Variants in AMOTL2 observed in about 807,000 individuals in gnomAD.
AMOTL2 encodes angiomotin like 2.
A neutral mutation model predicts 78.4 loss-of-function variants in AMOTL2; 33 were observed. The ratio of observed to expected loss-of-function variants is 0.42; its 90% CI spans 0.32 to 0.56. The LOEUF is 0.56. AMOTL2 is among the 20% of genes least tolerant of loss of function. The pLI, the probability that AMOTL2 is intolerant of heterozygous loss-of-function variation, is 0.12. For missense variants in AMOTL2, 983 were observed against 1,030.1 expected (o/e 0.95, Z 0.63); for synonymous variants, 422 against 428.8 (o/e 0.98, Z 0.20).
intron 5 of AMOTL2, 151 bp downstream of exon 5, chr3:134,365,666 T>C (rs1342880044): frequency 4.7e-6 from 3 of 643,664 alleles, no homozygotes; most frequent in Non-Finnish European, 8.1e-6. Flanking sequence ...TATCCCCAGA[T>C]CCAGTCTAGT....
chr3:134,367,849 TG>T (rs2017681454), intron 2 of AMOTL2, 46 bp from the exon 3 acceptor site: 1 of 1,599,652 alleles, frequency 6.3e-7, no homozygotes. Context: ...CAGACCCTCA[TG>T]GCTCCCACCA....
chr3:134,364,289 G>A (rs1368863151), intron 5 of AMOTL2, among the ~76,000 whole-genome samples: 2 of 151,928 alleles, frequency 1.3e-5, no homozygotes, highest in Non-Finnish European at 2.9e-5. Context: ...CAAGATTAAT[G>A]GCTCCAGCGA....
At position 134,367,722 on chromosome 3, in the gene AMOTL2, G is replaced by A. The variant is rs1368807690; in HGVS notation, c.816C>T (p.Pro272=). The part of the protein sequence containing the change: ...YQYLQQSQEH[P]PPPHPAALGH... ...CGAGAGCAGCTGGATGTGGGGGAGG[G>A]GGGTGCTCCTGAGATTGCTGCAGGT... The change falls in exon 3 of 10, where the codon CCC becomes CCT. Residue 272 remains proline, a synonymous_variant. Transcript: ENST00000249883. 1 of 1,613,640 alleles carries A rather than the reference G, an allele frequency of 6.2e-7. No homozygotes were observed. Among genetic ancestry groups the A allele is most frequent in the Non-Finnish European group, 8.5e-7 (1 of 1,180,000 alleles).
At chr3:134,359,040 A>G (rs2017213139) in intron 8 of AMOTL2, among the ~76,000 whole-genome samples, 1 of 152,130 alleles carries the variant, frequency 6.6e-6, no homozygotes, top group South Asian at 2.1e-4. Context: ...TTCTTAGTTC[A>G]GTGGCTGGGG....
At chr3:134,370,456 G>C (rs181377037) in intron 2 of AMOTL2, among the ~76,000 whole-genome samples, 177 of 152,320 alleles carry the variant, frequency 1.2e-3, no homozygotes, top group Non-Finnish European at 1.8e-3. Flanking sequence ...CTAGTTACTT[G>C]AATGCTACAG....
chr3:134,358,805 G>C (rs1399590007), intron 8 of AMOTL2, 86 bp from the exon 9 acceptor site: 7 of 1,506,214 alleles, frequency 4.6e-6, no homozygotes, highest in Non-Finnish European at 6.4e-6. Flanking sequence ...CCCTGCTGGG[G>C]ATTCAAGGTG....
Position 134,361,671 on chromosome 3 carries a change from G to A in AMOTL2, c.1416C>T (p.Ala472=), listed in dbSNP as rs374103327. The stretch of plus-strand genomic sequence containing the variant: ...CCTGCTTCTTGCGCAGCTCCTCTTC[G>A]GCTCGAGCTGCCCGGCCCTGCGCAT... ...LGNAQGRAAR[A]EEELRKKQAY... is the part of the protein sequence containing the mutation. The change falls in exon 6 of 10, where the codon GCC becomes GCT. Residue 472 remains alanine, a synonymous_variant. Coordinates refer to ENST00000249883, the MANE Select transcript of AMOTL2 (RefSeq NM_016201.4). 85 of 1,611,584 alleles carry A rather than the reference G, an allele frequency of 5.3e-5. No individual in the cohort carries two copies. Among genetic ancestry groups the A allele is most frequent in the Non-Finnish European group, 6.8e-5 (80 of 1,179,906 alleles).
chr3:134,373,952 C>G (rs1035531863), intron 1 of AMOTL2: 1 of 559,954 alleles, frequency 1.8e-6, no homozygotes, highest in Non-Finnish European at 2.3e-6. Flanking sequence ...CTGTAACCCC[C>G]ACCTAACCAA....
In AMOTL2 at chr3:134,367,484, C is replaced by T; in HGVS notation, c.1041+13G>A. On this transcript the variant is annotated intron_variant, in intron 3 of 9. Transcript: ENST00000249883. The stretch of plus-strand genomic sequence containing the variant: ...TTTCTGGTCTGCCCTTCTGAAGCCC[C>T]AGCAGGGCCTACCTTCTCAATGCGG... 5 of 1,610,298 alleles carry T rather than the reference C, an allele frequency of 3.1e-6. No individual in the cohort carries two copies. Among genetic ancestry groups the T allele is most frequent in the Non-Finnish European group, 4.2e-6 (5 of 1,179,524 alleles).
Position 134,371,027 on chromosome 3 carries a change from G to A in AMOTL2, c.407C>T (p.Ala136Val), listed in dbSNP as rs1344500788. ...PHAGDRDPRG[A>V]PGGSRRQDEA... is the part of the protein sequence containing the mutation. ...GTCCTGCCTCCGACTGCCTCCCGGG[G>A]CCCCACGGGGATCTCGGTCCCCCGC... Residue 136 changes from alanine to valine, a missense_variant, in exon 2 of 10, where the codon GCC becomes GTC. Transcript: ENST00000249883. The A allele has an allele frequency of 6.2e-7, 1 of 1,605,382 alleles. No individual in the cohort carries two copies. Among genetic ancestry groups the A allele is most frequent in the Non-Finnish European group, 8.5e-7 (1 of 1,175,998 alleles).
Position 134,359,482 on chromosome 3 carries a change from C to A in AMOTL2, c.1905G>T (p.Gln635His). 6.2e-7 allele frequency: 1 copy of A among 1,613,874 alleles called. No individual in the cohort carries two copies. The highest frequency in any genetic ancestry group is 8.5e-7 in the Non-Finnish European group (1 of 1,179,972). ...TGATCACTGCATCCTTCTCCAGGATCTGGGCATGGAGCACCTTTAACCTGA... is the reference window on the plus strand; with the variant it reads ...TGATCACTGCATCCTTCTCCAGGATATGGGCATGGAGCACCTTTAACCTGA... Reference protein sequence around the residue: ...MESRLKVLHAQILEKDAVIKV... With the variant: ...MESRLKVLHAHILEKDAVIKV... Residue 635 changes from glutamine (Q) to histidine (H), a missense_variant, in exon 8 of 10, where the codon CAG (glutamine) becomes CAT (histidine). Coordinates refer to ENST00000249883, the MANE Select transcript of AMOTL2 (RefSeq NM_016201.4).
In AMOTL2 at chr3:134,356,228, A is replaced by T. The variant is rs773623980; in HGVS notation, c.*1477T>A. Reference sequence around the variant, plus strand: ...GGGGAATTTTTTAAAAAAAATTGCAATTGTCCAGCAAATGCAAATGTTTAA... The same window carrying T: ...GGGGAATTTTTTAAAAAAAATTGCATTTGTCCAGCAAATGCAAATGTTTAA... On this transcript the variant is annotated 3_prime_UTR_variant, in exon 10 of 10. Transcript: ENST00000249883. The T allele has an allele frequency of 2.6e-5, 4 of 152,632 alleles. No individual in the cohort carries two copies. Among genetic ancestry groups the T allele is most frequent in the Non-Finnish European group, 4.4e-5 (3 of 68,052 alleles). The allele number at this position is 152,632 out of a possible 1,614,324, so 9.5% of individuals were successfully genotyped here. A position where few individuals can be genotyped will look rare whatever the true frequency, so the allele number is the denominator to read the frequency against.
At position 134,366,443 on chromosome 3, in the gene AMOTL2, A is replaced by G. The variant is rs369384296; in HGVS notation, c.1042-16T>C. The stretch of plus-strand genomic sequence containing the variant: ...CGCTTTCCAGCTGCAAGAGTCAGAC[A>G]GCAGAGCTGAATGAAGGCGAGAGCT... On this transcript the variant is annotated splice_polypyrimidine_tract_variant and intron_variant, in intron 3 of 9. Coordinates refer to ENST00000249883, the MANE Select transcript of AMOTL2 (RefSeq NM_016201.4). 2.2e-4 allele frequency: 348 copies of G among 1,608,450 alleles called. No homozygotes were observed. Among genetic ancestry groups the G allele is most frequent in the Non-Finnish European group, 2.8e-4 (329 of 1,178,578 alleles).
At chr3:134,360,480 G>C in intron 6 of AMOTL2, 67 bp from the exon 7 acceptor site, 1 of 1,343,126 alleles carries the variant, frequency 7.4e-7, no homozygotes, top group African/African-American at 1.4e-5. Context: ...ACTGGTCTTC[G>C]CCTCCACACG....
chr3:134,365,659 C>A (rs560414030), intron 5 of AMOTL2, among the ~76,000 whole-genome samples, 158 bp downstream of exon 5: 1 of 152,346 alleles, frequency 6.6e-6, no homozygotes, highest in East Asian at 1.9e-4. Context: ...TCCCCACTAT[C>A]CCCAGATCCA....
chr3:134,362,297 G>C (rs2017407191), intron 5 of AMOTL2, among the ~76,000 whole-genome samples: 1 of 152,218 alleles, frequency 6.6e-6, no homozygotes, highest in Non-Finnish European at 1.5e-5. Context: ...CGGCACACCA[G>C]GCCCTTACAC....
chr3:134,371,271 G>C lies in AMOTL2; in HGVS notation c.163C>G (p.Leu55Val). 1.2e-6 allele frequency: 2 copies of C among 1,612,720 alleles called. No homozygotes were observed. The highest frequency in any genetic ancestry group is 8.5e-7 in the Non-Finnish European group (1 of 1,179,982). Reference sequence around the variant, plus strand: ...CTGTCCTCTGGGGCCAGGATCTCCAGGGAGGCCTGGGGGCTCCCTGTACCC... The same window carrying C: ...CTGTCCTCTGGGGCCAGGATCTCCACGGAGGCCTGGGGGCTCCCTGTACCC... ...TGGTGSPQASLEILAPEDSQV... is the reference protein window; with the variant it reads ...TGGTGSPQASVEILAPEDSQV... The change falls in exon 2 of 10, where the codon CTG becomes GTG. Residue 55 changes from leucine (L) to valine (V), a missense_variant. By Grantham distance (32) the Leu-to-Val change is conservative. Transcript: ENST00000249883.
chr3:134,374,491 C>T (rs1412620534), upstream of AMOTL2: 3 of 985,490 alleles, frequency 3.0e-6, no homozygotes, highest in East Asian at 1.1e-4. Context: ...CGGCCCGCGC[C>T]GGAGGCGGCT....
intron 2 of AMOTL2, among the ~76,000 whole-genome samples, chr3:134,370,293 T>C (rs1461586552): frequency 6.6e-6 from 1 of 152,244 alleles, no homozygotes; most frequent in Admixed American, 6.5e-5. Flanking sequence ...AAGCTGCTCA[T>C]ATTTTCTTAA....
Sources: gnomAD v4.1 joint callset for allele counts (sites outside exome capture counted in the v4.1 genomes callset) on GRCh38, gnomAD v4.1.1 for gene constraint, MANE v1.5 for transcripts, NCBI Gene and HGNC (gene_info 2026-07-23, HGNC 2026-07-21) for gene names.